The following MAPK9 variants were observed in gnomAD, a reference collection of about 807,000 sequenced individuals.
The protein encoded by MAPK9 is Jun kinase.
Under a neutral mutation model 57.1 loss-of-function variants are expected in MAPK9, and 30 were observed. The ratio of observed to expected loss-of-function variants is 0.53; its 90% CI spans 0.39 to 0.71. MAPK9 has a LOEUF of 0.71. Among genes scored for constraint, MAPK9 ranks in the 30% least tolerant of loss-of-function variants. The pLI is 0.00. For synonymous variants in MAPK9, 155 were observed against 177.0 expected, an observed-to-expected ratio of 0.88 and a Z score of 0.99; for missense variants, 362 against 521.0, an observed-to-expected ratio of 0.69 and a Z score of 2.97.
intron 7 of MAPK9, among the ~76,000 whole-genome samples, chr5:180,245,125 T>C (rs980493611): frequency 2.7e-4 from 41 of 152,328 alleles, no homozygotes; most frequent in African/African-American, 7.0e-4. Context: ...CTACCAGTCC[T>C]AGGCTTCAAG....
Position 180,291,968 on chromosome 5 carries a change from GCCCC to G in MAPK9, c.-172_-169del, listed in dbSNP as rs1763309140. On this transcript the variant is annotated 5_prime_UTR_variant, in exon 1 of 12. Coordinates refer to ENST00000452135, the MANE Select transcript of MAPK9 (RefSeq NM_002752.5). ...CCGCCGGCCCGCCCCGCTCCGCTCC[GCCCC>G]GCCGCCGCCGCCGCCGCCGCCGCCG... 1 of 104,834 alleles carries G rather than the reference GCCCC, an allele frequency of 9.5e-6. No individual in the cohort carries two copies. Among genetic ancestry groups the G allele is most frequent in the Non-Finnish European group, 1.8e-5 (1 of 55,832 alleles). 6.5% of individuals were successfully genotyped at this position (104,834 alleles called of 1,614,324 possible).
At chr5:180,261,331 T>C (rs1342114510) in intron 5 of MAPK9, among the ~76,000 whole-genome samples, 1 of 152,270 alleles carries the variant, frequency 6.6e-6, no homozygotes, top group Admixed American at 6.5e-5. Context: ...GGCAAATATA[T>C]TAAAAACAGG....
rs1222812174 is a variant in MAPK9 at position 180,233,196 on chromosome 5, ACAGACGT to A, written c.*3181_*3187del. 1.3e-5 allele frequency: 2 copies of A among 152,298 alleles called. No homozygotes were observed. Among genetic ancestry groups the A allele is most frequent in the East Asian group, 3.9e-4 (2 of 5,184 alleles). The allele number at this position is 152,298 out of a possible 1,614,324, so 9.4% of individuals were successfully genotyped here. On this transcript the variant is annotated 3_prime_UTR_variant, in exon 12 of 12. Transcript: ENST00000452135. ...CTAAACAGCCTGAAGTGCTTCAAAC[ACAGACGT>A]CAGATGAACTTGGCTCATCCCAGGC...
chr5:180,243,371 G>A (rs1276637347), intron 7 of MAPK9, among the ~76,000 whole-genome samples: 2 of 152,174 alleles, frequency 1.3e-5, no homozygotes, highest in Non-Finnish European at 2.9e-5. Flanking sequence ...ACTCAACTCT[G>A]CATTAAACAC....
At chr5:180,255,307 C>G (rs1053898765) in intron 5 of MAPK9, among the ~76,000 whole-genome samples, 22 of 152,048 alleles carry the variant, frequency 1.4e-4, no homozygotes, top group Admixed American at 3.9e-4. Context: ...ACAAGGACAG[C>G]AAGCAAGGAA....
At position 180,269,429 on chromosome 5, in the gene MAPK9, T is replaced by C. The variant is rs2127606030; in HGVS notation, c.123-20A>G. 6.2e-7 allele frequency: 1 copy of C among 1,609,396 alleles called. No individual in the cohort carries two copies. Among genetic ancestry groups the C allele is most frequent in the Non-Finnish European group, 8.5e-7 (1 of 1,176,206 alleles). ...GCAGCACTAGAATTAGGAAATATAA[T>C]GCACAATCCATTAGAACGGTTTTGG... On this transcript the variant is annotated intron_variant, in intron 2 of 11. Coordinates refer to ENST00000452135, the MANE Select transcript of MAPK9 (RefSeq NM_002752.5).
At chr5:180,252,228 G>A (rs1758787757) in intron 5 of MAPK9, among the ~76,000 whole-genome samples, 1 of 152,148 alleles carries the variant, frequency 6.6e-6, no homozygotes, top group Admixed American at 6.5e-5. Flanking sequence ...CAGCAGTGTG[G>A]GCGCTGTCTG....
At chr5:180,245,989 T>C (rs1561788767) in intron 7 of MAPK9, 1 of 152,234 alleles carries the variant, frequency 6.6e-6, no homozygotes, top group African/African-American at 2.4e-5. Flanking sequence ...GGTAACCTTA[T>C]ATATAACACT....
In MAPK9 at chr5:180,269,357, G is replaced by A. The variant is rs1180924776; in HGVS notation, c.175C>T (p.Arg59Cys). 65 of 1,613,734 alleles carry A rather than the reference G, an allele frequency of 4.0e-5. No homozygotes were observed. Among genetic ancestry groups the A allele is most frequent in the Non-Finnish European group, 5.3e-5 (63 of 1,179,784 alleles). ...GCATGAGTTTGGTTCTGAAAAGGAC[G>A]GCTTAGTTTCTTGACTGCAACATTT... The part of the protein sequence containing the change: ...GINVAVKKLS[R>C]PFQNQTHAKR... The change falls in exon 3 of 12, where the codon CGT becomes TGT. Residue 59 changes from arginine to cysteine, a missense_variant. Transcript: ENST00000452135.
chr5:180,286,536 G>A (rs1267646302), intron 1 of MAPK9, among the ~76,000 whole-genome samples: 1 of 151,784 alleles, frequency 6.6e-6, no homozygotes, highest in African/African-American at 2.4e-5. Context: ...GCCATCCTCT[G>A]TAGTTCTTAA....
rs1378453566 is a variant in MAPK9, at chr5:180,242,609, T to C, written c.835A>G (p.Ile279Val). 1 of 1,614,034 alleles carries C rather than the reference T, an allele frequency of 6.2e-7. No homozygotes were observed. The highest frequency in any genetic ancestry group is 8.5e-7 in the Non-Finnish European group (1 of 1,180,012). The change falls in exon 8 of 12, where the codon ATA (isoleucine) becomes GTA (valine). Residue 279 changes from isoleucine (I) to valine (V), a missense_variant. By Grantham distance (29) the Ile-to-Val change is conservative. Coordinates refer to ENST00000452135, the MANE Select transcript of MAPK9 (RefSeq NM_002752.5). Reference protein sequence around the residue: ...IKFEELFPDWIFPSESERDKI... With the variant: ...IKFEELFPDWVFPSESERDKI... ...TCTCGCTCAGATTCTGATGGGAATA[T>C]CCAATCTGGAAAGAGTTCTTCAAAT...
At chr5:180,268,992 A>C (rs908136198) in intron 3 of MAPK9, among the ~76,000 whole-genome samples, 1 of 150,066 alleles carries the variant, frequency 6.7e-6, no homozygotes, top group Non-Finnish European at 1.5e-5. Flanking sequence ...ACAAAAAATT[A>C]GCCGGGCGTG....
At chr5:180,281,458 A>G (rs1581308610) in intron 1 of MAPK9, among the ~76,000 whole-genome samples, 1 of 152,360 alleles carries the variant, frequency 6.6e-6, no homozygotes, top group African/African-American at 2.4e-5. Flanking sequence ...AGTGGTTCCT[A>G]GGCTCGTGTC....
chr5:180,289,234 TAG>T (rs1338928524), intron 1 of MAPK9, among the ~76,000 whole-genome samples: 2 of 152,212 alleles, frequency 1.3e-5, no homozygotes, highest in African/African-American at 4.8e-5. Context: ...TATTTTATCT[TAG>T]ACACATTCAA....
intron 5 of MAPK9, among the ~76,000 whole-genome samples, chr5:180,254,209 T>C (rs1759026627): frequency 6.6e-6 from 1 of 152,144 alleles, no homozygotes; most frequent in African/African-American, 2.4e-5. Context: ...TCAGGTGATC[T>C]GCCCGCCTCA....
intron 1 of MAPK9, among the ~76,000 whole-genome samples, chr5:180,290,176 A>G (rs1163959055): frequency 2.0e-5 from 3 of 152,210 alleles, no homozygotes; most frequent in Non-Finnish European, 4.4e-5. Flanking sequence ...ACCTTCTTCT[A>G]GAAAACTGCT....
chr5:180,282,945 A>G lies in MAPK9; in HGVS notation c.-47-2337T>C, dbSNP rs1235397567. ...GCGGAGGCACATTCGGAATGTGACAAGTCACTAGGGACTTGCTGGGTAGAG... is the reference window on the plus strand; with the variant it reads ...GCGGAGGCACATTCGGAATGTGACAGGTCACTAGGGACTTGCTGGGTAGAG... On this transcript the variant is annotated intron_variant, in intron 1 of 11. Transcript: ENST00000452135. Among the ~76,000 whole-genome samples the G allele has an allele frequency of 4.6e-5, 7 of 152,290 alleles. No individual in the cohort carries two copies. The South Asian group carries it at 8.3e-4, about 18-fold the overall frequency.
At chr5:180,255,109 T>A (rs1305209411) in intron 5 of MAPK9, among the ~76,000 whole-genome samples, 1 of 152,122 alleles carries the variant, frequency 6.6e-6, no homozygotes, top group Non-Finnish European at 1.5e-5. Flanking sequence ...GCCTCCGCCA[T>A]TCTGAGCGCA....
In MAPK9 at chr5:180,243,023, A is replaced by C. The variant is rs35604787; in HGVS notation, c.689-268T>G. On this transcript the variant is annotated intron_variant, in intron 7 of 11. Transcript: ENST00000452135. ...ACACCTTCCCACTCTAGTTCAAAATAAAGTTTATCTTATAACTAAGAATAC... is the reference window on the plus strand; with the variant it reads ...ACACCTTCCCACTCTAGTTCAAAATCAAGTTTATCTTATAACTAAGAATAC... 1,388 of 335,578 alleles carry C rather than the reference A, an allele frequency of 4.1e-3. 17 individuals carry two copies. Among genetic ancestry groups the C allele is most frequent in the African/African-American group, 0.027 (1,271 of 47,608 alleles). The allele number at this position is 335,578 out of a possible 1,614,324, so 20.8% of individuals were successfully genotyped here. A position where few individuals can be genotyped will look rare whatever the true frequency, so the allele number is the denominator to read the frequency against.
Sources: allele counts gnomAD v4.1 joint callset (sites outside exome capture counted in the v4.1 genomes callset), GRCh38; gene constraint gnomAD v4.1.1; transcripts MANE v1.5; gene names NCBI Gene and HGNC (gene_info 2026-07-23, HGNC 2026-07-21).